Variants in TRMT44 observed in about 807,000 individuals in gnomAD.
TRMT44 encodes the protein probable tRNA (uracil-O(2)-)-methyltransferase.
Under a neutral mutation model 77.3 loss-of-function variants are expected in TRMT44, and 78 were observed. That is an observed-to-expected ratio of 1.01 (90% CI 0.84 to 1.22). The LOEUF is 1.22. Ranked by LOEUF, TRMT44 falls within the 50% of genes most tolerant of loss-of-function variation. The pLI is 0.00. For missense variants in TRMT44, 1,090 were observed against 964.4 expected (o/e 1.13, Z -1.73); for synonymous variants, 391 against 383.3 (o/e 1.02, Z -0.23).
In TRMT44 at chr4:8,472,728, C is replaced by T. The variant is rs142890245; in HGVS notation, c.2044+1528C>T. On this transcript the variant is annotated intron_variant, in intron 10 of 10. Coordinates refer to ENST00000389737, the MANE Select transcript of TRMT44 (RefSeq NM_152544.3). The stretch of plus-strand genomic sequence containing the variant: ...GTGTTTCTCGGGGCAGGCGCAGAAG[C>T]GTGTCCCTGAGGCTGCCCCCAGAGT... 1.6e-3 allele frequency among the ~76,000 whole-genome samples: 249 copies of T among 152,282 alleles called. 2 individuals are homozygous for T. Among genetic ancestry groups the T allele is most frequent in the African/African-American group, 5.8e-3 (241 of 41,540 alleles).
At chr4:8,472,260 A>AG (rs771566016) in intron 10 of TRMT44, among the ~76,000 whole-genome samples, 5 of 152,168 alleles carry the variant, frequency 3.3e-5, no homozygotes, top group Non-Finnish European at 7.4e-5. Flanking sequence ...AAGAGGAGTC[A>AG]GGAACAGAGA....
At chr4:8,499,838 G>A in the TRMT44 span, among the ~76,000 whole-genome samples, 1 of 152,108 alleles carries the variant, frequency 6.6e-6, no homozygotes, top group Non-Finnish European at 1.5e-5. Context: ...CCCGGGTGAT[G>A]AAACAATCTG....
intron 2 of TRMT44, among the ~76,000 whole-genome samples, chr4:8,489,461 G>C (rs528343132): frequency 3.1e-5 from 1 of 32,750 alleles, no homozygotes; most frequent in East Asian, 8.6e-4. Context: ...TTTTGTTTTC[G>C]TTTTGTTTTG....
chr4:8,466,739 C>T (rs560076789), intron 8 of TRMT44, among the ~76,000 whole-genome samples: 3 of 152,124 alleles, frequency 2.0e-5, no homozygotes, highest in Non-Finnish European at 2.9e-5. Flanking sequence ...TGGTAGAGAC[C>T]GTGGACTGTC....
At chr4:8,510,063 G>A in the TRMT44 span, among the ~76,000 whole-genome samples, 2 of 152,154 alleles carry the variant, frequency 1.3e-5, no homozygotes, top group Non-Finnish European at 2.9e-5. Context: ...GTAGACATGG[G>A]GAGCCACACA....
intron 10 of TRMT44, among the ~76,000 whole-genome samples, 187 bp downstream of exon 10, chr4:8,471,387 G>A (rs1437199260): frequency 6.6e-6 from 1 of 152,126 alleles, no homozygotes; most frequent in African/African-American, 2.4e-5. Flanking sequence ...GGGTCACCCC[G>A]TTCCCTCCTT....
chr4:8,485,284 T>A (rs1727769289), intron 2 of TRMT44, among the ~76,000 whole-genome samples: 1 of 151,764 alleles, frequency 6.6e-6, no homozygotes, highest in African/African-American at 2.4e-5. Flanking sequence ...GAATAGTGAG[T>A]TGTGGAGGGA....
intron 6 of TRMT44, among the ~76,000 whole-genome samples, chr4:8,460,489 A>T (rs1328836242): frequency 2.6e-5 from 4 of 152,258 alleles, no homozygotes; most frequent in Non-Finnish European, 4.4e-5. Context: ...CAGGCATATC[A>T]TTTCATAGAA....
chr4:8,466,896 G>C (rs1225896172), intron 8 of TRMT44, among the ~76,000 whole-genome samples: 1 of 152,226 alleles, frequency 6.6e-6, no homozygotes, highest in Non-Finnish European at 1.5e-5. Context: ...CAGGCACTGA[G>C]AATTTAAAAT....
chr4:8,481,961 C>T (rs116504044), intron 2 of TRMT44, among the ~76,000 whole-genome samples: 2,019 of 152,310 alleles, frequency 0.013, 49 homozygotes, highest in African/African-American at 0.046. Context: ...ATAGATTTGC[C>T]TGTAAGCAGA....
the TRMT44 span, among the ~76,000 whole-genome samples, chr4:8,503,915 C>T: frequency 0.11 from 17,109 of 152,256 alleles, 1,112 homozygotes; most frequent in South Asian, 0.2. Context: ...TCACACGCAC[C>T]TCGGTGCCAA....
chr4:8,496,084 A>G (rs1728142041), downstream of TRMT44, among the ~76,000 whole-genome samples: 1 of 152,196 alleles, frequency 6.6e-6, no homozygotes, highest in South Asian at 2.1e-4. Context: ...GAGTGAACCA[A>G]TGAGAAACCT....
At chr4:8,487,192 T>C (rs1727837331) in intron 2 of TRMT44, among the ~76,000 whole-genome samples, 1 of 152,150 alleles carries the variant, frequency 6.6e-6, no homozygotes, top group Non-Finnish European at 1.5e-5. Flanking sequence ...CGAGTTTGTA[T>C]TGGGGTCAAG....
At chr4:8,459,831 G>A (rs564118236) in intron 6 of TRMT44, among the ~76,000 whole-genome samples, 1 of 152,344 alleles carries the variant, frequency 6.6e-6, no homozygotes. Context: ...CATGGGAAGG[G>A]GTGGGAGGCA....
At chr4:8,472,986 G>C (rs144626561) in intron 10 of TRMT44, among the ~76,000 whole-genome samples, 1 of 152,110 alleles carries the variant, frequency 6.6e-6, no homozygotes, top group African/African-American at 2.4e-5. Context: ...AGGTCACCCT[G>C]GGGGGGCAAA....
intron 2 of TRMT44, among the ~76,000 whole-genome samples, chr4:8,492,004 T>G (rs1311541111): frequency 2.0e-5 from 3 of 152,240 alleles, no homozygotes; most frequent in African/African-American, 7.2e-5. Flanking sequence ...TGGCCACCCT[T>G]GTGTCTGTTA....
the TRMT44 span, among the ~76,000 whole-genome samples, chr4:8,506,504 T>G: frequency 0.61 from 92,920 of 152,108 alleles, 28,549 homozygotes; most frequent in African/African-American, 0.68. Context: ...TCCATGCTCA[T>G]TGCTGATTTG....
At chr4:8,465,610 GGA>G in intron 8 of TRMT44, 49 bp downstream of exon 8, 2 of 1,510,928 alleles carry the variant, frequency 1.3e-6, no homozygotes, top group Non-Finnish European at 1.8e-6. Context: ...GTGTTCAGAT[GGA>G]GAGCTCAGGG....
intron 6 of TRMT44, among the ~76,000 whole-genome samples, chr4:8,458,281 T>C (rs111340423): frequency 0.026 from 3,976 of 152,272 alleles, 94 homozygotes; most frequent in African/African-American, 0.066. Flanking sequence ...CTGCCTCTCC[T>C]GCCTCCCTTC....
Sources: allele counts gnomAD v4.1 joint callset (sites outside exome capture counted in the v4.1 genomes callset), GRCh38; gene constraint gnomAD v4.1.1; transcripts MANE v1.5; gene names NCBI Gene and HGNC (gene_info 2026-07-23, HGNC 2026-07-21).